The following OR52I2 variants were observed in gnomAD, a reference collection of about 807,000 sequenced individuals.
OR52I2 encodes the protein olfactory receptor 52I2.
For synonymous variants in OR52I2, 147 were observed against 151.9 expected (o/e 0.97, Z 0.24); for missense variants, 350 against 402.4 (o/e 0.87, Z 1.11).
intron 1 of OR52I2, among the ~76,000 whole-genome samples, chr11:4,583,877 T>C (rs923078615): frequency 3.9e-5 from 6 of 152,170 alleles, no homozygotes; most frequent in African/African-American, 1.4e-4. Context: ...AGTGCTAGGC[T>C]TTCTAGGAGG....
rs146108229 is a variant in OR52I2 at position 4,585,090 on chromosome 11, G to C, written c.-19-1782G>C. On this transcript the variant is annotated intron_variant, in intron 1 of 1. Coordinates refer to ENST00000641896, the Ensembl canonical transcript of OR52I2. The stretch of plus-strand genomic sequence containing the variant: ...TTTATGGATGAAGAAACTGGGGCTT[G>C]GTGCGTTTACATAATTTGACTAAGG... 2.0e-3 allele frequency among the ~76,000 whole-genome samples: 312 copies of C among 152,226 alleles called. 1 individual carries two copies. Among genetic ancestry groups the C allele is most frequent in the African/African-American group, 6.8e-3 (284 of 41,540 alleles).
At chr11:4,582,830 T>C (rs1325610223) in intron 1 of OR52I2, among the ~76,000 whole-genome samples, 2 of 152,156 alleles carry the variant, frequency 1.3e-5, no homozygotes. Context: ...GTGCTAGAAA[T>C]ATGTCTTAGG....
intron 1 of OR52I2, among the ~76,000 whole-genome samples, chr11:4,582,434 A>ATTTTTTTTTTTTTTTTTTTTT (rs386372959): frequency 4.1e-5 from 4 of 96,482 alleles, no homozygotes; most frequent in Non-Finnish European, 5.7e-5. Context: ...TTTATTTTTC[A>ATTTTTTTTTTTTTTTTTTTTT]TTTTTTTTTT....
exon 2 of OR52I2, chr11:4,590,294 A>G (rs1305128682): frequency 6.6e-6 from 1 of 152,236 alleles, no homozygotes; most frequent in African/African-American, 2.4e-5. Context: ...AAGTAAAACA[A>G]AAGGAAAAAG....
chr11:4,584,940 G>A (rs976087130), intron 1 of OR52I2, among the ~76,000 whole-genome samples: 2 of 152,172 alleles, frequency 1.3e-5, no homozygotes, highest in African/African-American at 2.4e-5. Flanking sequence ...AGGGAAAACA[G>A]TTTCATTTTA....
intron 1 of OR52I2, among the ~76,000 whole-genome samples, chr11:4,583,711 T>C (rs900087262): frequency 1.1e-4 from 16 of 152,230 alleles, no homozygotes; most frequent in Admixed American, 3.9e-4. Flanking sequence ...TTCCATGATA[T>C]AGCATTTCTT....
At chr11:4,584,511 G>T (rs569616610) in intron 1 of OR52I2, among the ~76,000 whole-genome samples, 5 of 152,276 alleles carry the variant, frequency 3.3e-5, no homozygotes, top group African/African-American at 1.2e-4. Flanking sequence ...TGTCATACTT[G>T]CCTCCACTCC....
At chr11:4,589,150 C>T (rs1047706430) in exon 2 of OR52I2, 1 of 152,184 alleles carries the variant, frequency 6.6e-6, no homozygotes, top group East Asian at 1.9e-4. Context: ...CAAAGATAAA[C>T]CAGTCTCTTG....
chr11:4,583,602 T>C (rs1204587505), intron 1 of OR52I2, among the ~76,000 whole-genome samples: 2 of 152,260 alleles, frequency 1.3e-5, no homozygotes, highest in African/African-American at 2.4e-5. Flanking sequence ...AATCTTCTTG[T>C]GATCCATCAC....
At chr11:4,593,261 A>T (rs1302892433) in exon 2 of OR52I2, 1 of 152,928 alleles carries the variant, frequency 6.5e-6, no homozygotes, top group Non-Finnish European at 1.5e-5. Flanking sequence ...CTATAAGGTA[A>T]CCCTAAGATT....
At chr11:4,586,763 C>T (rs550578100) in intron 1 of OR52I2, 109 bp from the exon 2 acceptor site, 1 of 1,513,066 alleles carries the variant, frequency 6.6e-7, no homozygotes, top group Non-Finnish European at 9.1e-7. Context: ...CATTTTTGAT[C>T]CTGAGATTAC....
chr11:4,592,329 A>G (rs4910633), exon 2 of OR52I2: 39,055 of 152,034 alleles, frequency 0.26, 6,118 homozygotes, highest in East Asian at 0.42. Context: ...CTAGCAAGCG[A>G]TAGAGTAGGG....
At chr11:4,582,136 A>G (rs1388800497) in intron 1 of OR52I2, among the ~76,000 whole-genome samples, 2 of 152,188 alleles carry the variant, frequency 1.3e-5, no homozygotes, top group African/African-American at 4.8e-5. Flanking sequence ...TGGTGGAGTA[A>G]CAGTTTTCAG....
At chr11:4,582,713 G>C (rs185090426) in intron 1 of OR52I2, among the ~76,000 whole-genome samples, 3 of 152,096 alleles carry the variant, frequency 2.0e-5, no homozygotes, top group Non-Finnish European at 4.4e-5. Context: ...GGGATTACAG[G>C]CTGAGCCACC....
At chr11:4,587,464 G>A in exon 2 of OR52I2, 1 of 1,614,206 alleles carries the variant, frequency 6.2e-7, no homozygotes, top group Non-Finnish European at 8.5e-7. Flanking sequence ...GGCCAGGTTA[G>A]CATGTGCTGA....
At chr11:4,586,612 T>C (rs898073118) in intron 1 of OR52I2, among the ~76,000 whole-genome samples, 1 of 152,016 alleles carries the variant, frequency 6.6e-6, no homozygotes, top group Non-Finnish European at 1.5e-5. Flanking sequence ...TGAAAGGGTA[T>C]GGAATGGGGA....
Position 4,587,719 on chromosome 11 carries a change from A to T in OR52I2, c.829A>T (p.Thr277Ser), listed in dbSNP as rs146308175. The T allele has an allele frequency of 5.6e-6, 9 of 1,614,036 alleles. No homozygotes were observed. The African/African-American group carries it at 1.2e-4, about 22-fold the overall frequency. Residue 277 changes from threonine to serine, a missense_variant, in exon 2 of 2, where the codon ACC becomes TCC. Thr to Ser is a moderately conservative substitution (Grantham distance 58, BLOSUM62 1). Transcript: ENST00000641896. ...GGGGCAGGATGTAGTGCCCTTGCACACCCAAGTCCTGCTAGCTGACCTGTA... is the reference window on the plus strand; with the variant it reads ...GGGGCAGGATGTAGTGCCCTTGCACTCCCAAGTCCTGCTAGCTGACCTGTA...
intron 1 of OR52I2, among the ~76,000 whole-genome samples, chr11:4,584,625 C>T (rs953836230): frequency 6.6e-5 from 10 of 151,958 alleles, no homozygotes; most frequent in Non-Finnish European, 1.0e-4. Context: ...GTAAGGGAGA[C>T]GGTTGTCACA....
At chr11:4,583,505 T>C (rs1027037795) in intron 1 of OR52I2, among the ~76,000 whole-genome samples, 4 of 151,794 alleles carry the variant, frequency 2.6e-5, no homozygotes, top group Non-Finnish European at 5.9e-5. Context: ...CCTAAGTTTG[T>C]GGCATTCAGA....
Sources: gnomAD v4.1 joint callset for allele counts (sites outside exome capture counted in the v4.1 genomes callset) on GRCh38, gnomAD v4.1.1 for gene constraint, MANE v1.5 for transcripts, NCBI Gene and HGNC (gene_info 2026-07-23, HGNC 2026-07-21) for gene names.